Variants in EEFSEC observed in about 807,000 individuals in gnomAD.
The protein encoded by EEFSEC is eukaryotic elongation factor, selenocysteine-tRNA specific, also known as selenocysteine-specific elongation factor.
EEFSEC carries 43 observed loss-of-function variants against 42.1 expected under a neutral mutation model. The ratio of observed to expected loss-of-function variants is 1.02; its 90% CI spans 0.80 to 1.32. The LOEUF is 1.32. EEFSEC is among the 40% of genes most tolerant of loss of function. EEFSEC has a pLI of 0.00. For missense variants in EEFSEC, 745 were observed against 803.6 expected (o/e 0.93, Z 0.88); for synonymous variants, 354 against 339.1 (o/e 1.04, Z -0.48).
chr3:128,394,679 G>A (rs560489283), intron 6 of EEFSEC, among the ~76,000 whole-genome samples: 1 of 152,174 alleles, frequency 6.6e-6, no homozygotes, highest in Non-Finnish European at 1.5e-5. Context: ...GGAGCTCCAC[G>A]GGAGGCCACC....
the EEFSEC span, among the ~76,000 whole-genome samples, chr3:128,415,487 AG>A: frequency 6.6e-6 from 1 of 151,946 alleles, no homozygotes; most frequent in Non-Finnish European, 1.5e-5. Flanking sequence ...GAGCGATGAT[AG>A]GGTGGAAGAT....
At chr3:128,348,818 A>G (rs934545940) in intron 5 of EEFSEC, among the ~76,000 whole-genome samples, 5 of 152,210 alleles carry the variant, frequency 3.3e-5, no homozygotes, top group Non-Finnish European at 7.3e-5. Flanking sequence ...CTTGCATCTC[A>G]GCCACATGCA....
At chr3:128,229,843 G>A (rs532709001) in intron 1 of EEFSEC, among the ~76,000 whole-genome samples, 13 of 152,218 alleles carry the variant, frequency 8.5e-5, no homozygotes, top group South Asian at 2.1e-4. Context: ...GAGGAGAAAC[G>A]GTCCCCTCCA....
intron 1 of EEFSEC, among the ~76,000 whole-genome samples, chr3:128,169,611 A>G (rs1317118161): frequency 6.6e-6 from 1 of 152,130 alleles, no homozygotes. Context: ...CTGATGTGGA[A>G]TCAGCGTTGG....
At chr3:128,225,995 T>C (rs1311561676) in intron 1 of EEFSEC, among the ~76,000 whole-genome samples, 1 of 152,198 alleles carries the variant, frequency 6.6e-6, no homozygotes, top group Non-Finnish European at 1.5e-5. Flanking sequence ...ACTCAGTTCA[T>C]TGATGCAAGA....
At chr3:128,270,227 T>G (rs2066399672) in intron 4 of EEFSEC, among the ~76,000 whole-genome samples, 1 of 152,248 alleles carries the variant, frequency 6.6e-6, no homozygotes, top group African/African-American at 2.4e-5. Flanking sequence ...TTTGATATTA[T>G]TCTCATGTAG....
intron 6 of EEFSEC, among the ~76,000 whole-genome samples, chr3:128,379,580 G>A (rs562930729): frequency 1.3e-5 from 2 of 152,330 alleles, no homozygotes; most frequent in Non-Finnish European, 2.9e-5. Context: ...GCCTCTCCCT[G>A]GGCATGGTCC....
chr3:128,308,581 T>C (rs2066856872), intron 4 of EEFSEC, among the ~76,000 whole-genome samples: 1 of 152,238 alleles, frequency 6.6e-6, no homozygotes, highest in African/African-American at 2.4e-5. Flanking sequence ...GCTTTACCCC[T>C]CATGCCAATA....
chr3:128,384,695 C>G (rs2067817109), intron 6 of EEFSEC, among the ~76,000 whole-genome samples: 1 of 152,184 alleles, frequency 6.6e-6, no homozygotes, highest in Non-Finnish European at 1.5e-5. Flanking sequence ...AGGTCAAGAA[C>G]TCGTTGAGGG....
intron 5 of EEFSEC, 110 bp downstream of exon 5, chr3:128,341,999 G>A: frequency 1.4e-6 from 2 of 1,395,932 alleles, no homozygotes; most frequent in Admixed American, 2.5e-5. Flanking sequence ...GAGACCTTCT[G>A]GTGCCAACCT....
chr3:128,383,476 G>A (rs2067800587), intron 6 of EEFSEC, among the ~76,000 whole-genome samples: 1 of 152,220 alleles, frequency 6.6e-6, no homozygotes, highest in Non-Finnish European at 1.5e-5. Context: ...CTGTTCCCAT[G>A]TTTCAGATGA....
intron 1 of EEFSEC, among the ~76,000 whole-genome samples, chr3:128,163,572 G>A (rs1432501243): frequency 1.3e-5 from 2 of 151,696 alleles, no homozygotes; most frequent in African/African-American, 2.4e-5. Context: ...TTCACTGAGT[G>A]TACACTAAGT....
At chr3:128,323,214 C>T (rs1187567877) in intron 4 of EEFSEC, among the ~76,000 whole-genome samples, 4 of 152,162 alleles carry the variant, frequency 2.6e-5, no homozygotes, top group Non-Finnish European at 5.9e-5. Flanking sequence ...CAGGAAAACA[C>T]TTGTCAGCCC....
intron 6 of EEFSEC, among the ~76,000 whole-genome samples, chr3:128,359,380 G>A (rs2067497907): frequency 6.6e-6 from 1 of 152,170 alleles, no homozygotes; most frequent in Non-Finnish European, 1.5e-5. Context: ...AATGGGTCAT[G>A]AGCCACTATC....
At chr3:128,366,844 T>C (rs1445231661) in intron 6 of EEFSEC, among the ~76,000 whole-genome samples, 1 of 152,182 alleles carries the variant, frequency 6.6e-6, no homozygotes, top group Non-Finnish European at 1.5e-5. Flanking sequence ...ACAGCCCACA[T>C]GACCCCTGAG....
chr3:128,422,370 C>T, the EEFSEC span, among the ~76,000 whole-genome samples: 3 of 152,184 alleles, frequency 2.0e-5, no homozygotes, highest in African/African-American at 2.4e-5. Context: ...CATGGCTCCC[C>T]GGGGTCAGAG....
chr3:128,263,720 GA>G (rs779028432), intron 3 of EEFSEC, among the ~76,000 whole-genome samples: 53 of 152,202 alleles, frequency 3.5e-4, no homozygotes, highest in Non-Finnish European at 6.6e-4. Context: ...GTTCCCTTAC[GA>G]AGTGAAAAAG....
At chr3:128,288,695 A>T (rs2066611941) in intron 4 of EEFSEC, among the ~76,000 whole-genome samples, 2 of 152,236 alleles carry the variant, frequency 1.3e-5, no homozygotes, top group South Asian at 4.1e-4. Context: ...TGTTGACTTA[A>T]CCATCAGAAG....
chr3:128,298,067 G>A (rs894540986), intron 4 of EEFSEC, among the ~76,000 whole-genome samples: 1 of 152,218 alleles, frequency 6.6e-6, no homozygotes, highest in Non-Finnish European at 1.5e-5. Flanking sequence ...GCTGACACAG[G>A]CTTCAAGAAA....
Sources: gnomAD v4.1 joint callset for allele counts (sites outside exome capture counted in the v4.1 genomes callset) on GRCh38, gnomAD v4.1.1 for gene constraint, MANE v1.5 for transcripts, NCBI Gene and HGNC (gene_info 2026-07-23, HGNC 2026-07-21) for gene names.